The following PCMTD1 variants were observed in gnomAD, a reference collection of about 807,000 sequenced individuals.
The protein encoded by PCMTD1 is protein-L-isoaspartate (D-aspartate) O-methyltransferase domain containing 1, also known as protein-L-isoaspartate O-methyltransferase domain-containing protein 1.
Under a neutral mutation model 37.6 loss-of-function variants are expected in PCMTD1, and 12 were observed. That is an observed-to-expected ratio of 0.32 (90% CI 0.20 to 0.52). The LOEUF (loss-of-function observed/expected upper bound fraction) is 0.52, where lower values mean the gene tolerates loss of function less well. PCMTD1 is among the 20% of genes least tolerant of loss of function. The pLI, the probability that PCMTD1 is intolerant of heterozygous loss-of-function variation, is 0.97. For missense variants in PCMTD1, 235 were observed against 421.3 expected (o/e 0.56, Z 3.87); for synonymous variants, 117 against 135.8 (o/e 0.86, Z 0.96).
chr8:51,889,186 C>T (rs1018203267), intron 1 of PCMTD1, among the ~76,000 whole-genome samples: 1 of 152,136 alleles, frequency 6.6e-6, no homozygotes, highest in Non-Finnish European at 1.5e-5. Context: ...CTACTTAAAA[C>T]GGATATTGCT....
intron 5 of PCMTD1, among the ~76,000 whole-genome samples, chr8:51,821,649 A>G (rs2037849909): frequency 6.6e-6 from 1 of 152,210 alleles, no homozygotes; most frequent in African/African-American, 2.4e-5. Flanking sequence ...AGGAGTTGCT[A>G]AACAAAAATC....
At chr8:51,863,423 T>C (rs1233401623) in intron 1 of PCMTD1, among the ~76,000 whole-genome samples, 1 of 152,174 alleles carries the variant, frequency 6.6e-6, no homozygotes, top group Admixed American at 6.5e-5. Flanking sequence ...AAGAATGAAA[T>C]AAATAAGAAC....
At chr8:51,845,101 G>A (rs4565453) in intron 3 of PCMTD1, 77,180 of 152,156 alleles carry the variant, frequency 0.51, 23,678 homozygotes, top group Non-Finnish European at 0.68. Flanking sequence ...CCAGCCCAAG[G>A]ACCAAAGCCC....
At chr8:51,838,180 G>C (rs371086226) in intron 3 of PCMTD1, among the ~76,000 whole-genome samples, 1 of 152,124 alleles carries the variant, frequency 6.6e-6, no homozygotes, top group Non-Finnish European at 1.5e-5. Flanking sequence ...TTTTCCAAAA[G>C]TCTATGATTA....
In PCMTD1 at chr8:51,818,406, A is replaced by G. The variant is rs2037791329; in HGVS notation, c.*1945T>C. 1 of 126,974 alleles carries G rather than the reference A, an allele frequency of 7.9e-6. No individual in the cohort carries two copies. The highest frequency in any genetic ancestry group is 2.7e-5 in the African/African-American group (1 of 37,660). 7.9% of individuals were successfully genotyped at this position (126,974 alleles called of 1,614,324 possible). A position where few individuals can be genotyped will look rare whatever the true frequency, so the allele number is the denominator to read the frequency against. ...AAAGCATCATCTAAACAGCAGCTCC[A>G]ACCAAAAAAAAAAAAAAAAACAAGC... On this transcript the variant is annotated 3_prime_UTR_variant, in exon 6 of 6. Coordinates refer to ENST00000522514, the MANE Select transcript of PCMTD1 (RefSeq NM_052937.4).
chr8:51,836,872 C>T (rs2038075523), intron 3 of PCMTD1, among the ~76,000 whole-genome samples: 1 of 152,182 alleles, frequency 6.6e-6, no homozygotes, highest in African/African-American at 2.4e-5. Context: ...CTGTGACCAG[C>T]CACCTATGGT....
intron 1 of PCMTD1, among the ~76,000 whole-genome samples, chr8:51,867,423 A>G (rs2129288751): frequency 6.6e-6 from 1 of 151,730 alleles, no homozygotes; most frequent in South Asian, 2.1e-4. Flanking sequence ...CACAATAGCC[A>G]AGATATGTAA....
rs1184033936 is a variant in PCMTD1, at chr8:51,818,004, A to G, written c.*2347T>C. ...AAATTCCAATACTATATTCCCCATC[A>G]TTTTCACTTACTTTTACTTAATCTT... On this transcript the variant is annotated 3_prime_UTR_variant, in exon 6 of 6. Coordinates refer to ENST00000522514, the MANE Select transcript of PCMTD1 (RefSeq NM_052937.4). 2.2e-6 allele frequency: 1 copy of G among 452,826 alleles called. No homozygotes were observed. The highest frequency in any genetic ancestry group is 4.4e-6 in the Non-Finnish European group (1 of 224,858). The allele number at this position is 452,826 out of a possible 1,614,324, so 28.1% of individuals were successfully genotyped here. A position where few individuals can be genotyped will look rare whatever the true frequency, so the allele number is the denominator to read the frequency against.
intron 1 of PCMTD1, among the ~76,000 whole-genome samples, chr8:51,881,217 G>A (rs1375164642): frequency 6.6e-6 from 1 of 151,150 alleles, no homozygotes; most frequent in Non-Finnish European, 1.5e-5. Context: ...TTTATATTGT[G>A]AAGTGTTACT....
At position 51,819,557 on chromosome 8, in the gene PCMTD1, AAAC is replaced by A. The variant is rs1202350531; in HGVS notation, c.*791_*793del. 1 of 152,648 alleles carries A rather than the reference AAAC, an allele frequency of 6.6e-6. No individual in the cohort carries two copies. Among genetic ancestry groups the A allele is most frequent in the Non-Finnish European group, 1.5e-5 (1 of 68,052 alleles). 9.5% of individuals were successfully genotyped at this position (152,648 alleles called of 1,614,324 possible). ...TACTTTATACAGTGAACTACAGAAA[AAAC>A]AATTCTAAATATACTTTTAAAATTC... is the stretch of plus-strand genomic sequence containing the variant. On this transcript the variant is annotated 3_prime_UTR_variant, in exon 6 of 6. Coordinates refer to ENST00000522514, the MANE Select transcript of PCMTD1 (RefSeq NM_052937.4).
At chr8:51,891,806 A>C (rs2038940903) in intron 1 of PCMTD1, among the ~76,000 whole-genome samples, 1 of 151,860 alleles carries the variant, frequency 6.6e-6, no homozygotes, top group South Asian at 2.1e-4. Context: ...AACAGTGTGT[A>C]TTTACAGCCC....
At chr8:51,867,591 A>G (rs903261414) in intron 1 of PCMTD1, among the ~76,000 whole-genome samples, 1 of 151,846 alleles carries the variant, frequency 6.6e-6, no homozygotes, top group African/African-American at 2.4e-5. Flanking sequence ...ATCCATTTAT[A>G]TATATATAAA....
intron 1 of PCMTD1, among the ~76,000 whole-genome samples, chr8:51,873,975 C>T (rs544516416): frequency 6.6e-6 from 1 of 150,776 alleles, no homozygotes; most frequent in Non-Finnish European, 1.5e-5. Flanking sequence ...TGCAGTGGCG[C>T]AATCTCAGCT....
chr8:51,833,559 G>A lies in PCMTD1; in HGVS notation c.541C>T (p.Leu181=), dbSNP rs1301357316. Residue 181 remains leucine, a synonymous_variant, in exon 4 of 6, where the codon CTA becomes TTA. Coordinates refer to ENST00000522514, the MANE Select transcript of PCMTD1 (RefSeq NM_052937.4). The part of the protein sequence containing the change: ...KDHENYMKIL[L]KVGGILVMPI... ...ATGACTAATATGCCTCCAACTTTTAGTAATATTTTCATGTAGTTTTCATGG... is the reference window on the plus strand; with the variant it reads ...ATGACTAATATGCCTCCAACTTTTAATAATATTTTCATGTAGTTTTCATGG... 6.2e-7 allele frequency: 1 copy of A among 1,612,536 alleles called. No homozygotes were observed. The highest frequency in any genetic ancestry group is 8.5e-7 in the Non-Finnish European group (1 of 1,179,352).
chr8:51,828,535 T>C (rs2037954528), intron 5 of PCMTD1, among the ~76,000 whole-genome samples: 1 of 152,226 alleles, frequency 6.6e-6, no homozygotes, highest in Admixed American at 6.5e-5. Context: ...GAGCTCCTTA[T>C]GTCTCATGAT....
At chr8:51,851,808 G>C (rs7833777) in intron 2 of PCMTD1, among the ~76,000 whole-genome samples, 3 of 151,832 alleles carry the variant, frequency 2.0e-5, no homozygotes, top group Non-Finnish European at 4.4e-5. Flanking sequence ...GAGCCACCAC[G>C]CCCGGCTAAT....
At chr8:51,874,306 C>T (rs1325108664) in intron 1 of PCMTD1, among the ~76,000 whole-genome samples, 1 of 152,158 alleles carries the variant, frequency 6.6e-6, no homozygotes, top group African/African-American at 2.4e-5. Context: ...TTTTAAACTA[C>T]AGTTCAGAAC....
intron 1 of PCMTD1, among the ~76,000 whole-genome samples, chr8:51,865,847 T>G (rs961878504): frequency 1.3e-5 from 2 of 151,692 alleles, no homozygotes; most frequent in African/African-American, 4.8e-5. Flanking sequence ...ATAAAGGGCA[T>G]CTAAATAGGA....
At chr8:51,868,848 A>C (rs1359018102) in intron 1 of PCMTD1, among the ~76,000 whole-genome samples, 1 of 152,224 alleles carries the variant, frequency 6.6e-6, no homozygotes, top group Non-Finnish European at 1.5e-5. Context: ...AAAATAAAGT[A>C]AAATTAAAAT....
Sources: allele counts gnomAD v4.1 joint callset (sites outside exome capture counted in the v4.1 genomes callset), GRCh38; gene constraint gnomAD v4.1.1; transcripts MANE v1.5; gene names NCBI Gene and HGNC (gene_info 2026-07-23, HGNC 2026-07-21).